CCDC149: variants seen among roughly 807,000 people sequenced by gnomAD.
CCDC149 encodes the protein coiled-coil domain containing 149.
Under a neutral mutation model 59.9 loss-of-function variants are expected in CCDC149, and 45 were observed. The observed-to-expected ratio is 0.75, with a 90% CI of 0.59 to 0.96. The LOEUF is 0.96. CCDC149 is among the 40% of genes least tolerant of loss of function. The pLI, the probability that CCDC149 is intolerant of heterozygous loss-of-function variation, is 0.00. For synonymous variants in CCDC149, 245 were observed against 260.6 expected, an observed-to-expected ratio of 0.94 and a Z score of 0.58; for missense variants, 584 against 664.7, an observed-to-expected ratio of 0.88 and a Z score of 1.33.
intron 3 of CCDC149, among the ~76,000 whole-genome samples, chr4:24,853,605 A>AAGAG (rs1186767630): frequency 1.4e-5 from 2 of 148,016 alleles, no homozygotes; most frequent in Non-Finnish European, 3.0e-5. Flanking sequence ...AAAAAAAAAA[A>AAGAG]AGAGAGAGAG....
At position 24,807,031 on chromosome 4, in the gene CCDC149, T is replaced by A. The variant is rs1714230815; in HGVS notation, c.*1358A>T. 6.6e-6 allele frequency: 1 copy of A among 152,102 alleles called. No homozygotes were observed. The highest frequency in any genetic ancestry group is 2.1e-4 in the South Asian group (1 of 4,822). The allele number at this position is 152,102 out of a possible 1,614,324, so 9.4% of individuals were successfully genotyped here. A position where few individuals can be genotyped will look rare whatever the true frequency, so the allele number is the denominator to read the frequency against. On this transcript the variant is annotated 3_prime_UTR_variant, in exon 13 of 13. Coordinates refer to ENST00000635206, the MANE Select transcript of CCDC149 (RefSeq NM_001330643.2). ...AGTGTCATGAGCCTGGTATAAACAT[T>A]GAATTTTTAGGATGCATTTTCACTG...
chr4:24,975,005 G>T (rs769102186), intron 1 of CCDC149, among the ~76,000 whole-genome samples: 20 of 152,124 alleles, frequency 1.3e-4, no homozygotes, highest in Non-Finnish European at 2.1e-4. Context: ...TGATGAGGCT[G>T]TGAGGTTTCC....
intron 3 of CCDC149, among the ~76,000 whole-genome samples, chr4:24,869,919 C>T (rs1718933617): frequency 6.6e-6 from 1 of 152,228 alleles, no homozygotes; most frequent in Non-Finnish European, 1.5e-5. Context: ...TAGCAGCCCC[C>T]TGGTGCGTGC....
intron 4 of CCDC149, among the ~76,000 whole-genome samples, chr4:24,843,626 G>A (rs181432829): frequency 1.2e-3 from 177 of 152,236 alleles, no homozygotes; most frequent in African/African-American, 4.1e-3. Flanking sequence ...TTAAAACAAA[G>A]CAAATCAAAA....
intron 1 of CCDC149, among the ~76,000 whole-genome samples, chr4:24,931,415 C>T (rs148134967): frequency 6.6e-6 from 1 of 151,210 alleles, no homozygotes; most frequent in East Asian, 2.0e-4. Flanking sequence ...TTATATTTTG[C>T]TCCTACTACA....
At chr4:24,810,099 C>T (rs1714499424) in intron 12 of CCDC149, among the ~76,000 whole-genome samples, 1 of 152,200 alleles carries the variant, frequency 6.6e-6, no homozygotes, top group Admixed American at 6.5e-5. Context: ...TAGGTCTCCA[C>T]ATGCACTGAT....
chr4:24,845,352 C>A (rs1717218470), intron 4 of CCDC149, among the ~76,000 whole-genome samples: 1 of 152,178 alleles, frequency 6.6e-6, no homozygotes, highest in Non-Finnish European at 1.5e-5. Context: ...CCACCTGATA[C>A]AAACAGCATC....
At chr4:24,947,239 G>A (rs1723136395) in intron 1 of CCDC149, among the ~76,000 whole-genome samples, 3 of 152,146 alleles carry the variant, frequency 2.0e-5, no homozygotes, top group African/African-American at 4.8e-5. Flanking sequence ...GAGGGACAGG[G>A]TGAGAGGTAA....
At chr4:24,963,099 C>G (rs1244475296) in intron 1 of CCDC149, among the ~76,000 whole-genome samples, 3 of 152,062 alleles carry the variant, frequency 2.0e-5, no homozygotes, top group Admixed American at 6.6e-5. Flanking sequence ...AATATCAATA[C>G]AAAAACACCC....
chr4:24,942,832 A>G (rs1722989798), intron 1 of CCDC149, among the ~76,000 whole-genome samples: 1 of 152,074 alleles, frequency 6.6e-6, no homozygotes, highest in Non-Finnish European at 1.5e-5. Context: ...TAGGAATCCA[A>G]CTTACAAGGG....
Position 24,837,476 on chromosome 4 carries a change from C to T in CCDC149, c.490-76G>A, listed in dbSNP as rs1716620884. The T allele has an allele frequency of 7.0e-7, 1 of 1,431,748 alleles. No individual in the cohort carries two copies. The highest frequency in any genetic ancestry group is 9.7e-7 in the Non-Finnish European group (1 of 1,033,886). The allele number at this position is 1,431,748 out of a possible 1,614,324, so 88.7% of individuals were successfully genotyped here. On this transcript the variant is annotated intron_variant, in intron 5 of 12. Coordinates refer to ENST00000635206, the MANE Select transcript of CCDC149 (RefSeq NM_001330643.2). The surrounding 1 kb of genome is among the most constrained non-coding windows in gnomAD (Gnocchi z 4.3). ...TTATGGCCAGAGATGGAGCCTCCCA[C>T]TTGGTTGACTGATTTTTAGAGAGTT... is the stretch of plus-strand genomic sequence containing the variant.
At chr4:24,974,846 A>C (rs1343103725) in intron 1 of CCDC149, among the ~76,000 whole-genome samples, 2 of 151,802 alleles carry the variant, frequency 1.3e-5, no homozygotes, top group African/African-American at 2.4e-5. Context: ...GCAGAAGAGA[A>C]TAGAACCAGG....
chr4:24,973,820 C>A (rs1165935635), intron 1 of CCDC149, among the ~76,000 whole-genome samples: 2 of 152,232 alleles, frequency 1.3e-5, no homozygotes, highest in Non-Finnish European at 2.9e-5. Context: ...AGGCTGAGAG[C>A]TGCTTCTTAA....
chr4:24,958,708 G>A (rs1723544589), intron 1 of CCDC149, among the ~76,000 whole-genome samples: 1 of 152,096 alleles, frequency 6.6e-6, no homozygotes, highest in Non-Finnish European at 1.5e-5. Flanking sequence ...TCAAGGCATA[G>A]CTATAGAAAG....
intron 1 of CCDC149, among the ~76,000 whole-genome samples, chr4:24,886,678 A>T (rs1488973546): frequency 6.6e-6 from 1 of 152,184 alleles, no homozygotes; most frequent in Non-Finnish European, 1.5e-5. Flanking sequence ...TTGAAAAATA[A>T]ATGGTGATCA....
chr4:24,951,009 A>G (rs185909015), intron 1 of CCDC149, among the ~76,000 whole-genome samples: 12 of 152,180 alleles, frequency 7.9e-5, no homozygotes, highest in African/African-American at 2.9e-4. Context: ...ATCTTTGGGG[A>G]CCCCTTTAGG....
At chr4:24,854,591 C>T (rs186671671) in intron 3 of CCDC149, among the ~76,000 whole-genome samples, 1 of 152,252 alleles carries the variant, frequency 6.6e-6, no homozygotes, top group Admixed American at 6.5e-5. Flanking sequence ...GGAACTAACC[C>T]GACTGGAATG....
chr4:24,832,312 A>T (rs1260360255), intron 8 of CCDC149, among the ~76,000 whole-genome samples: 1 of 152,252 alleles, frequency 6.6e-6, no homozygotes, highest in African/African-American at 2.4e-5. Flanking sequence ...AAAAACATTA[A>T]GCAAACAATA....
intron 1 of CCDC149, among the ~76,000 whole-genome samples, chr4:24,953,647 G>T (rs988168392): frequency 2.6e-5 from 4 of 152,144 alleles, no homozygotes; most frequent in African/African-American, 9.7e-5. Flanking sequence ...ATACTTCAAA[G>T]CATGCAAAGT....
Sources: gnomAD v4.1 joint callset for allele counts (sites outside exome capture counted in the v4.1 genomes callset) on GRCh38, gnomAD v4.1.1 for gene constraint, Gnocchi (gnomAD v3.1) non-coding constraint, MANE v1.5 for transcripts, NCBI Gene and HGNC (gene_info 2026-07-23, HGNC 2026-07-21) for gene names.